Variants in DOCK1 observed in about 807,000 individuals in gnomAD.
DOCK1 encodes dedicator of cytokinesis 1.
Under a neutral mutation model 262.7 loss-of-function variants are expected in DOCK1, and 138 were observed. The observed-to-expected ratio is 0.53, with a 90% CI of 0.46 to 0.61. The LOEUF is 0.61. DOCK1 is among the 20% of genes least tolerant of loss of function. The pLI is 0.00. For synonymous variants in DOCK1, 866 were observed against 867.4 expected (o/e 1.00, Z 0.03); for missense variants, 1,908 against 2,370.7 (o/e 0.80, Z 4.05).
At chr10:127,024,930 AG>A in intron 15 of DOCK1, 147 bp downstream of exon 15, 2 of 620,738 alleles carry the variant, frequency 3.2e-6, no homozygotes, top group Non-Finnish European at 5.5e-6. Context: ...AAGGTTGCTA[AG>A]GAACCACACT....
intron 29 of DOCK1, among the ~76,000 whole-genome samples, chr10:127,263,113 C>G (rs1462314266): frequency 6.6e-6 from 1 of 152,202 alleles, no homozygotes; most frequent in Admixed American, 6.5e-5. Context: ...AACTTTTCCA[C>G]AAGGTTTACT....
At chr10:127,165,300 G>A (rs1262199571) in intron 27 of DOCK1, among the ~76,000 whole-genome samples, 1 of 152,066 alleles carries the variant, frequency 6.6e-6, no homozygotes, top group East Asian at 1.9e-4. Context: ...TTAGTGCTTT[G>A]TTTCAAAAGC....
At chr10:127,035,559 C>A (rs1046131271) in intron 18 of DOCK1, among the ~76,000 whole-genome samples, 1 of 152,124 alleles carries the variant, frequency 6.6e-6, no homozygotes, top group Non-Finnish European at 1.5e-5. Flanking sequence ...TACAATACAG[C>A]GTGCCACCAA....
In DOCK1 at chr10:127,451,419, G is replaced by T. The variant is rs370457490; in HGVS notation, c.5653G>T (p.Val1885Leu). ...RKQASVDSGIVQ is the reference protein window; with the variant it reads ...RKQASVDSGILQ ...GCAGGCATCGGTGGACTCCGGGATC[G>T]TGCAGTGACGTCGCAAGCCTCTCTG... The change falls in exon 52 of 52, where the codon GTG becomes TTG. Residue 1885 changes from valine to leucine, a missense_variant. By Grantham distance (32) the Val-to-Leu change is conservative. This residue lies in a region of DOCK1 where 383 missense variants were observed against 420.1 expected (regional missense o/e 0.91). Coordinates refer to ENST00000623213, the MANE Select transcript of DOCK1 (RefSeq NM_001290223.2). 3.8e-6 allele frequency: 6 copies of T among 1,578,732 alleles called. No homozygotes were observed. Among genetic ancestry groups the T allele is most frequent in the South Asian group, 1.2e-5 (1 of 85,594 alleles).
intron 25 of DOCK1, among the ~76,000 whole-genome samples, chr10:127,119,728 T>TC (rs2049425787): frequency 6.6e-6 from 1 of 152,236 alleles, no homozygotes; most frequent in African/African-American, 2.4e-5. Context: ...GATCATTTAT[T>TC]TAATGTGACC....
intron 27 of DOCK1, among the ~76,000 whole-genome samples, chr10:127,150,660 T>C (rs181958998): frequency 2.0e-5 from 3 of 152,370 alleles, no homozygotes; most frequent in Non-Finnish European, 2.9e-5. Flanking sequence ...GTACTCACTA[T>C]TGAAATGATG....
At chr10:127,357,892 AT>A (rs1410342304) in intron 32 of DOCK1, among the ~76,000 whole-genome samples, 1 of 152,164 alleles carries the variant, frequency 6.6e-6, no homozygotes, top group Non-Finnish European at 1.5e-5. Flanking sequence ...CCTTCCTGCC[AT>A]GGTGCCAGGT....
intron 44 of DOCK1, among the ~76,000 whole-genome samples, chr10:127,417,449 G>A (rs11017986): frequency 0.047 from 7,092 of 152,286 alleles, 176 homozygotes; most frequent in Non-Finnish European, 0.068. Flanking sequence ...GAGGACAGTG[G>A]TCAGTCCCCT....
At chr10:127,003,713 G>T (rs1017485225) in intron 10 of DOCK1, among the ~76,000 whole-genome samples, 7 of 152,156 alleles carry the variant, frequency 4.6e-5, no homozygotes, top group Non-Finnish European at 1.0e-4. Context: ...CAGCACTGTG[G>T]GAAGTTGAGG....
intron 38 of DOCK1, among the ~76,000 whole-genome samples, chr10:127,392,920 G>C (rs2066575704): frequency 6.6e-6 from 1 of 152,152 alleles, no homozygotes; most frequent in Non-Finnish European, 1.5e-5. Flanking sequence ...GAGCAGGGCT[G>C]GATTTTCCTG....
chr10:126,938,487 A>C (rs1483671046), intron 1 of DOCK1, among the ~76,000 whole-genome samples: 1 of 152,044 alleles, frequency 6.6e-6, no homozygotes. Context: ...CGGGCTCTCT[A>C]TTCTCTTCTA....
intron 28 of DOCK1, among the ~76,000 whole-genome samples, chr10:127,253,990 C>T (rs779529427): frequency 6.6e-6 from 1 of 151,968 alleles, no homozygotes; most frequent in Non-Finnish European, 1.5e-5. Flanking sequence ...TCTATACAGC[C>T]AACCCCTTTC....
chr10:127,234,767 A>G (rs2058984328), intron 27 of DOCK1, among the ~76,000 whole-genome samples: 1 of 152,020 alleles, frequency 6.6e-6, no homozygotes, highest in South Asian at 2.1e-4. Flanking sequence ...GAAAGCTACA[A>G]TAAAGTATTA....
chr10:127,099,542 C>A (rs963302926), intron 23 of DOCK1, among the ~76,000 whole-genome samples: 2 of 152,080 alleles, frequency 1.3e-5, no homozygotes, highest in Admixed American at 6.5e-5. Flanking sequence ...AGCTTCTGCT[C>A]ATGACAGAAG....
intron 27 of DOCK1, among the ~76,000 whole-genome samples, chr10:127,157,962 C>T (rs778895507): frequency 6.6e-6 from 1 of 152,194 alleles, no homozygotes; most frequent in African/African-American, 2.4e-5. Context: ...TTATTAAGCA[C>T]GAGAGTGTTC....
At chr10:127,417,670 G>A (rs1018147758) in intron 44 of DOCK1, among the ~76,000 whole-genome samples, 5 of 152,116 alleles carry the variant, frequency 3.3e-5, no homozygotes, top group South Asian at 2.1e-4. Context: ...CTGCCTCCTG[G>A]GTTCAAGTAA....
At chr10:127,082,956 C>T (rs180804728) in intron 23 of DOCK1, among the ~76,000 whole-genome samples, 21 of 152,310 alleles carry the variant, frequency 1.4e-4, no homozygotes, top group African/African-American at 5.1e-4. Context: ...GGCCTGTTCT[C>T]TTCCTGTCTT....
At chr10:127,053,296 C>T (rs757098268) in intron 22 of DOCK1, among the ~76,000 whole-genome samples, 1 of 152,168 alleles carries the variant, frequency 6.6e-6, no homozygotes, top group Non-Finnish European at 1.5e-5. Flanking sequence ...GAGCGGAGAT[C>T]GCGCCACTGC....
Position 127,111,553 on chromosome 10 carries a change from G to A in DOCK1, c.2623+1199G>A, listed in dbSNP as rs189198227. ...AAACTGAATTGCCCACTCACCAGGT[G>A]TTTTCCAAGACTTGGGTACTCTAGG... On this transcript the variant is annotated intron_variant, in intron 25 of 51. Transcript: ENST00000623213. Among the ~76,000 whole-genome samples, 504 of 152,236 alleles carry A rather than the reference G, an allele frequency of 3.3e-3. 1 individual carries two copies. The highest frequency in any genetic ancestry group is 5.2e-3 in the Admixed American group (79 of 15,292).
Sources: gnomAD v4.1 joint callset for allele counts (sites outside exome capture counted in the v4.1 genomes callset) on GRCh38, gnomAD v4.1.1 for gene constraint, gnomAD v4.1.1 regional missense constraint, MANE v1.5 for transcripts, NCBI Gene and HGNC (gene_info 2026-07-23, HGNC 2026-07-21) for gene names.